The following GRM1 variants were observed in gnomAD, a reference collection of about 807,000 sequenced individuals.
The protein encoded by GRM1 is metabotropic glutamate receptor 1.
Under a neutral mutation model 90.9 loss-of-function variants are expected in GRM1, and 33 were observed. That is an observed-to-expected ratio of 0.36 (90% CI 0.28 to 0.49). The LOEUF is 0.49. Among genes scored for constraint, GRM1 ranks in the 20% least tolerant of loss-of-function variants. The probability of loss-of-function intolerance (pLI) is 0.99; values close to 1 mark genes in which losing one functional copy is unlikely to be tolerated. For missense variants in GRM1, 1,190 were observed against 1,534.3 expected (o/e 0.78, Z 3.75); for synonymous variants, 700 against 613.2 (o/e 1.14, Z -2.09).
At chr6:146,087,118 G>A (rs931504971) in intron 1 of GRM1, among the ~76,000 whole-genome samples, 3 of 151,988 alleles carry the variant, frequency 2.0e-5, no homozygotes, top group Admixed American at 6.6e-5. Flanking sequence ...CTCAGATAGC[G>A]GCATGTATTC....
chr6:146,409,871 C>G (rs1205294699), intron 7 of GRM1, among the ~76,000 whole-genome samples: 1 of 152,136 alleles, frequency 6.6e-6, no homozygotes, highest in Non-Finnish European at 1.5e-5. Context: ...TTAGGCTGAG[C>G]CCCTAGGTGA....
intron 1 of GRM1, among the ~76,000 whole-genome samples, chr6:146,125,610 G>A (rs1267718679): frequency 1.3e-5 from 2 of 151,916 alleles, no homozygotes; most frequent in African/African-American, 4.8e-5. Flanking sequence ...AGGTCTATAT[G>A]CTAAGTATAT....
intron 1 of GRM1, among the ~76,000 whole-genome samples, chr6:146,067,054 A>C (rs1000851820): frequency 1.3e-5 from 2 of 152,366 alleles, no homozygotes; most frequent in Non-Finnish European, 2.9e-5. Context: ...GAGTTCAGAA[A>C]CATAGCTAAT....
chr6:146,216,126 T>C (rs9497490), intron 2 of GRM1, among the ~76,000 whole-genome samples: 4,475 of 152,276 alleles, frequency 0.029, 232 homozygotes, highest in African/African-American at 0.1. Context: ...TCTGACTCTA[T>C]GTATGTATTA....
intron 2 of GRM1, among the ~76,000 whole-genome samples, chr6:146,276,968 C>T (rs1466151135): frequency 6.6e-6 from 1 of 151,990 alleles, no homozygotes; most frequent in African/African-American, 2.4e-5. Context: ...ATTAGTTGGG[C>T]ATGTTGGGGC....
chr6:146,175,481 C>G (rs1778305858), intron 2 of GRM1, among the ~76,000 whole-genome samples: 1 of 152,162 alleles, frequency 6.6e-6, no homozygotes, highest in East Asian at 1.9e-4. Context: ...CTGGACATGT[C>G]TATATAGATG....
intron 1 of GRM1, among the ~76,000 whole-genome samples, chr6:146,144,471 A>T (rs1472269137): frequency 6.6e-6 from 1 of 152,140 alleles, no homozygotes; most frequent in Non-Finnish European, 1.5e-5. Flanking sequence ...CTGCCTCAGG[A>T]CTCTGCAGTG....
chr6:146,314,982 G>A (rs1783916676), intron 3 of GRM1, among the ~76,000 whole-genome samples: 1 of 152,068 alleles, frequency 6.6e-6, no homozygotes. Context: ...ATATTCATTT[G>A]TGCCCTAATG....
chr6:146,230,807 A>G (rs1253927387), intron 2 of GRM1, among the ~76,000 whole-genome samples: 1 of 152,166 alleles, frequency 6.6e-6, no homozygotes, highest in African/African-American at 2.4e-5. Flanking sequence ...CATCCAGACA[A>G]TGAAATATTA....
At chr6:146,396,069 C>CATCTATCTATCT (rs3065122) in intron 6 of GRM1, among the ~76,000 whole-genome samples, 55,329 of 136,026 alleles carry the variant, frequency 0.41, 10,806 homozygotes, top group East Asian at 0.54. Flanking sequence ...ACCTATCCAT[C>CATCTATCTATCT]ATCTATCTAT....
intron 1 of GRM1, among the ~76,000 whole-genome samples, chr6:146,155,154 A>G (rs1405796249): frequency 2.0e-5 from 3 of 152,238 alleles, no homozygotes; most frequent in Non-Finnish European, 2.9e-5. Flanking sequence ...GGGGAAAAAG[A>G]AAAATAAAGC....
intron 5 of GRM1, among the ~76,000 whole-genome samples, chr6:146,378,164 C>T (rs1776180808): frequency 6.6e-6 from 1 of 152,188 alleles, no homozygotes; most frequent in South Asian, 2.1e-4. Flanking sequence ...GTGGAACCCT[C>T]ATGGAGAACC....
intron 1 of GRM1, among the ~76,000 whole-genome samples, chr6:146,140,812 A>T: frequency 6.6e-6 from 1 of 152,134 alleles, no homozygotes; most frequent in East Asian, 1.9e-4. Context: ...GTTTCTATTT[A>T]TATCTTACTG....
At chr6:146,102,624 T>C (rs1777087017) in intron 1 of GRM1, among the ~76,000 whole-genome samples, 1 of 152,244 alleles carries the variant, frequency 6.6e-6, no homozygotes. Flanking sequence ...GGAGCACTTA[T>C]CAGCTTGATA....
rs192756222 is a variant in GRM1 at position 146,199,924 on chromosome 6, G to A, written c.950+40327G>A. ...CCCAGCTACTCAGGAGGCTGAGGCA[G>A]GAGAATCGCTTGAACCTGGGAGGTG... On this transcript the variant is annotated intron_variant, in intron 2 of 7. Transcript: ENST00000282753. Among the ~76,000 whole-genome samples, 20 of 152,296 alleles carry A rather than the reference G, an allele frequency of 1.3e-4. No individual in the cohort carries two copies. In the East Asian group the frequency reaches 3.5e-3, roughly 26 times the overall value.
chr6:146,110,427 T>C (rs1369307374), intron 1 of GRM1, among the ~76,000 whole-genome samples: 1 of 152,204 alleles, frequency 6.6e-6, no homozygotes, highest in East Asian at 1.9e-4. Context: ...CCATCATGAT[T>C]GTGAGGCCTC....
In GRM1 at chr6:146,245,018, A is replaced by G. The variant is rs78357050; in HGVS notation, c.951-59593A>G. ...ATAGTTGCTGCCTTTATTATGAATT[A>G]TTAACAATAAGAGTGAATTTTGTTG... On this transcript the variant is annotated intron_variant, in intron 2 of 7. Transcript: ENST00000282753. 2.6e-3 allele frequency among the ~76,000 whole-genome samples: 398 copies of G among 152,346 alleles called. 8 individuals are homozygous for G. In the East Asian group the frequency reaches 0.038, roughly 15 times the overall value.
intron 1 of GRM1, among the ~76,000 whole-genome samples, chr6:146,050,410 C>T (rs1302871367): frequency 1.3e-5 from 2 of 152,024 alleles, no homozygotes; most frequent in African/African-American, 4.8e-5. Flanking sequence ...TAGCTACACA[C>T]TGATTTGTTT....
At chr6:146,177,023 T>C (rs1197879657) in intron 2 of GRM1, among the ~76,000 whole-genome samples, 4 of 152,118 alleles carry the variant, frequency 2.6e-5, no homozygotes, top group Admixed American at 2.6e-4. Context: ...ATTAGACCAA[T>C]ATATATTAGC....
Sources: gnomAD v4.1 joint callset for allele counts (sites outside exome capture counted in the v4.1 genomes callset) on GRCh38, gnomAD v4.1.1 for gene constraint, MANE v1.5 for transcripts, NCBI Gene and HGNC (gene_info 2026-07-23, HGNC 2026-07-21) for gene names.